ELMO1: variants seen among roughly 807,000 people sequenced by gnomAD.
ELMO1 encodes engulfment and cell motility protein 1.
A neutral mutation model predicts 98.9 loss-of-function variants in ELMO1; 26 were observed. The observed-to-expected ratio is 0.26, with a 90% CI of 0.19 to 0.36. ELMO1 has a LOEUF of 0.36. Among genes scored for constraint, ELMO1 ranks in the 10% least tolerant of loss-of-function variants. The pLI, the probability that ELMO1 is intolerant of heterozygous loss-of-function variation, is 1.00. For missense variants in ELMO1, 627 were observed against 935.2 expected, an observed-to-expected ratio of 0.67 and a Z score of 4.30; for synonymous variants, 346 against 346.0, an observed-to-expected ratio of 1.00 and a Z score of 0.00.
chr7:37,012,218 T>G (rs1217980783), intron 16 of ELMO1, among the ~76,000 whole-genome samples: 1 of 152,218 alleles, frequency 6.6e-6, no homozygotes, highest in Non-Finnish European at 1.5e-5. Context: ...TTTCCTGATT[T>G]TCTTTCTTTT....
chr7:37,148,923 G>C (rs1363732086), intron 13 of ELMO1, among the ~76,000 whole-genome samples: 1 of 152,154 alleles, frequency 6.6e-6, no homozygotes, highest in Non-Finnish European at 1.5e-5. Flanking sequence ...TCCCCAGGGA[G>C]AGCACAGGCT....
intron 15 of ELMO1, among the ~76,000 whole-genome samples, chr7:37,072,512 T>C (rs1451220821): frequency 5.3e-5 from 8 of 152,202 alleles, no homozygotes; most frequent in Non-Finnish European, 5.9e-5. Context: ...GAAAACACAA[T>C]ATAGGTCCCT....
Position 37,274,826 on chromosome 7 carries a change from T to C in ELMO1, c.193-2944A>G, listed in dbSNP as rs566675770. On this transcript the variant is annotated intron_variant, in intron 4 of 21. Transcript: ENST00000310758. ...TCAGCCTCCCAAAGTGTTGGGATTATAGGCATAAGCCACCACACCTGGCCC... is the reference window on the plus strand; with the variant it reads ...TCAGCCTCCCAAAGTGTTGGGATTACAGGCATAAGCCACCACACCTGGCCC... 3.9e-5 allele frequency among the ~76,000 whole-genome samples: 6 copies of C among 152,300 alleles called. No homozygotes were observed. In the South Asian group the frequency reaches 6.2e-4, roughly 16 times the overall value.
intron 16 of ELMO1, among the ~76,000 whole-genome samples, chr7:36,974,514 T>C (rs900538201): frequency 2.0e-5 from 3 of 152,174 alleles, no homozygotes; most frequent in Non-Finnish European, 4.4e-5. Context: ...AACCTTTGTG[T>C]CCACACTCTG....
intron 14 of ELMO1, among the ~76,000 whole-genome samples, chr7:37,104,031 A>AAC (rs1584648944): frequency 1.4e-5 from 2 of 143,092 alleles, no homozygotes; most frequent in East Asian, 3.9e-4. Flanking sequence ...AAAAAAAAAA[A>AAC]AAAAAAAAAA....
intron 4 of ELMO1, among the ~76,000 whole-genome samples, chr7:37,286,797 A>G (rs1268590158): frequency 6.6e-6 from 1 of 152,084 alleles, no homozygotes; most frequent in East Asian, 1.9e-4. Context: ...GTCTTAGAGA[A>G]CTCTGGTGAA....
chr7:36,954,636 G>A (rs1216774225), intron 16 of ELMO1, among the ~76,000 whole-genome samples: 1 of 152,196 alleles, frequency 6.6e-6, no homozygotes, highest in African/African-American at 2.4e-5. Flanking sequence ...ACCTTCAGAA[G>A]CCTAGCAAAG....
intron 15 of ELMO1, among the ~76,000 whole-genome samples, chr7:37,017,857 T>C (rs995335081): frequency 2.6e-5 from 4 of 152,044 alleles, no homozygotes; most frequent in African/African-American, 7.2e-5. Flanking sequence ...TAAGAAAACA[T>C]GTGCTCAAGA....
chr7:37,031,572 C>T (rs1322729328), intron 15 of ELMO1, among the ~76,000 whole-genome samples: 1 of 152,142 alleles, frequency 6.6e-6, no homozygotes, highest in Non-Finnish European at 1.5e-5. Context: ...CGCCCATTCT[C>T]TATAGGCTGA....
intron 1 of ELMO1, among the ~76,000 whole-genome samples, chr7:37,378,106 A>G (rs140287938): frequency 6.6e-6 from 1 of 152,330 alleles, no homozygotes; most frequent in Non-Finnish European, 1.5e-5. Flanking sequence ...ACCCAAGTTC[A>G]GAAACAAAAT....
chr7:37,384,921 T>C (rs1224615119), intron 1 of ELMO1, among the ~76,000 whole-genome samples: 1 of 152,220 alleles, frequency 6.6e-6, no homozygotes, highest in Non-Finnish European at 1.5e-5. Context: ...CTTGTGACCA[T>C]GTTCAGGTAA....
intron 16 of ELMO1, among the ~76,000 whole-genome samples, chr7:36,948,035 T>C (rs538934124): frequency 6.6e-6 from 1 of 152,364 alleles, no homozygotes; most frequent in African/African-American, 2.4e-5. Context: ...CTTTGACTTA[T>C]TATCCCCAAC....
intron 15 of ELMO1, among the ~76,000 whole-genome samples, chr7:37,038,127 G>C (rs1272926410): frequency 6.6e-6 from 1 of 152,108 alleles, no homozygotes; most frequent in Non-Finnish European, 1.5e-5. Context: ...GTCACTGAAA[G>C]CTAAACAAAA....
intron 14 of ELMO1, among the ~76,000 whole-genome samples, chr7:37,097,380 A>G (rs1784418009): frequency 1.3e-5 from 2 of 152,210 alleles, no homozygotes; most frequent in South Asian, 4.1e-4. Flanking sequence ...TAAAAATAAA[A>G]TAAAAACTAT....
chr7:37,241,712 T>C (rs1451544839), intron 7 of ELMO1, among the ~76,000 whole-genome samples: 1 of 152,172 alleles, frequency 6.6e-6, no homozygotes, highest in Non-Finnish European at 1.5e-5. Flanking sequence ...ACCATTAGTA[T>C]ATTAATGTCT....
At chr7:37,359,556 G>A (rs187237560) in intron 1 of ELMO1, among the ~76,000 whole-genome samples, 39 of 152,262 alleles carry the variant, frequency 2.6e-4, no homozygotes, top group African/African-American at 5.8e-4. Context: ...CAACAGCCCC[G>A]TGACAAAGGC....
chr7:37,382,516 C>T (rs1179649896), intron 1 of ELMO1, among the ~76,000 whole-genome samples: 1 of 152,078 alleles, frequency 6.6e-6, no homozygotes, highest in Non-Finnish European at 1.5e-5. Context: ...TCACTATCTG[C>T]CTGAAAGCAG....
chr7:36,922,981 G>A (rs535605594), intron 16 of ELMO1, among the ~76,000 whole-genome samples: 1 of 152,124 alleles, frequency 6.6e-6, no homozygotes, highest in East Asian at 1.9e-4. Flanking sequence ...GGTCTCTAGG[G>A]ATCTCACTGT....
At chr7:37,255,600 C>T (rs955957162) in intron 6 of ELMO1, among the ~76,000 whole-genome samples, 49 of 152,186 alleles carry the variant, frequency 3.2e-4, no homozygotes, top group African/African-American at 1.1e-3. Context: ...AGATCACATG[C>T]GCCCCTGCTT....
Sources: gnomAD v4.1 joint callset for allele counts (sites outside exome capture counted in the v4.1 genomes callset) on GRCh38, gnomAD v4.1.1 for gene constraint, MANE v1.5 for transcripts, NCBI Gene and HGNC (gene_info 2026-07-23, HGNC 2026-07-21) for gene names.